The following SLC4A4 variants were observed in gnomAD, a reference collection of about 807,000 sequenced individuals.
SLC4A4 encodes solute carrier family 4 member 4, also known as electrogenic sodium bicarbonate cotransporter 1.
A neutral mutation model predicts 111.5 loss-of-function variants in SLC4A4; 27 were observed. The observed-to-expected ratio is 0.24, with a 90% CI of 0.18 to 0.33. SLC4A4 has a LOEUF of 0.33. SLC4A4 is among the 10% of genes least tolerant of loss of function. The probability of loss-of-function intolerance (pLI) is 1.00; values close to 1 mark genes in which losing one functional copy is unlikely to be tolerated. For synonymous variants in SLC4A4, 443 were observed against 463.4 expected, an observed-to-expected ratio of 0.96 and a Z score of 0.57; for missense variants, 909 against 1,315.5, an observed-to-expected ratio of 0.69 and a Z score of 4.78.
intron 3 of SLC4A4, chr4:71,300,515 C>T (rs1462089002): frequency 2.4e-5 from 6 of 248,926 alleles, no homozygotes; most frequent in Non-Finnish European, 4.1e-5. Flanking sequence ...AGGCCTGGGC[C>T]GGGGCCACTA....
chr4:71,075,443 T>C (rs1054492697), intron 1 of SLC4A4, among the ~76,000 whole-genome samples: 2 of 152,188 alleles, frequency 1.3e-5, no homozygotes, highest in African/African-American at 4.8e-5. Flanking sequence ...CCATGCTCTG[T>C]AAGGTACTTC....
chr4:71,426,706 C>G (rs1004368922), intron 7 of SLC4A4, among the ~76,000 whole-genome samples: 2 of 151,948 alleles, frequency 1.3e-5, no homozygotes. Flanking sequence ...TAATTTTAAC[C>G]TAAGAAAAAT....
At chr4:71,469,076 G>T (rs1031253211) in intron 13 of SLC4A4, among the ~76,000 whole-genome samples, 10 of 151,880 alleles carry the variant, frequency 6.6e-5, no homozygotes, top group African/African-American at 2.4e-4. Context: ...GAAGAAAATA[G>T]CTCACAACTT....
chr4:71,102,081 C>A (rs1742757376), intron 2 of SLC4A4, among the ~76,000 whole-genome samples: 1 of 151,910 alleles, frequency 6.6e-6, no homozygotes, highest in Non-Finnish European at 1.5e-5. Context: ...CTTAAAGGAG[C>A]TGATGGAGCT....
At chr4:71,397,876 C>G (rs990381358) in intron 7 of SLC4A4, among the ~76,000 whole-genome samples, 2 of 152,136 alleles carry the variant, frequency 1.3e-5, no homozygotes, top group African/African-American at 4.8e-5. Flanking sequence ...ATCACTTGGG[C>G]AATTTAAATC....
At chr4:71,330,916 C>T (rs1408942642) in intron 3 of SLC4A4, among the ~76,000 whole-genome samples, 13 of 152,204 alleles carry the variant, frequency 8.5e-5, no homozygotes, top group East Asian at 3.9e-4. Flanking sequence ...AAAAAGTGGG[C>T]GAAGGATCTG....
chr4:71,283,829 T>C (rs1381936307), intron 3 of SLC4A4, among the ~76,000 whole-genome samples: 1 of 152,208 alleles, frequency 6.6e-6, no homozygotes, highest in Non-Finnish European at 1.5e-5. Context: ...CCCAGGCTGG[T>C]CCATGGTGTC....
At chr4:71,401,786 TA>T in intron 7 of SLC4A4, among the ~76,000 whole-genome samples, 1 of 152,338 alleles carries the variant, frequency 6.6e-6, no homozygotes, top group East Asian at 1.9e-4. Context: ...GGTTTATTAA[TA>T]ATGCTATAAC....
chr4:71,394,386 C>T (rs1449201160), intron 6 of SLC4A4, among the ~76,000 whole-genome samples: 1 of 151,718 alleles, frequency 6.6e-6, no homozygotes, highest in African/African-American at 2.4e-5. Context: ...AATGGCCCAA[C>T]AAACATGAAA....
chr4:71,144,888 T>G (rs1192540753), intron 2 of SLC4A4, among the ~76,000 whole-genome samples: 6 of 152,184 alleles, frequency 3.9e-5, no homozygotes, highest in Non-Finnish European at 7.3e-5. Context: ...TCATGTCATC[T>G]GCAAACAGGG....
At chr4:71,210,604 A>T (rs774245953) in intron 1 of SLC4A4, among the ~76,000 whole-genome samples, 1 of 152,146 alleles carries the variant, frequency 6.6e-6, no homozygotes, top group African/African-American at 2.4e-5. Flanking sequence ...CCCCACACTT[A>T]CCCCAAGGAA....
chr4:71,227,913 G>A (rs1449888847), intron 1 of SLC4A4, among the ~76,000 whole-genome samples: 2 of 152,180 alleles, frequency 1.3e-5, no homozygotes, highest in Non-Finnish European at 2.9e-5. Context: ...AAAGTATTTG[G>A]TTTCTGACAG....
chr4:71,520,327 T>G (rs745971452), intron 16 of SLC4A4, among the ~76,000 whole-genome samples: 1 of 148,276 alleles, frequency 6.7e-6, no homozygotes, highest in Non-Finnish European at 1.5e-5. Flanking sequence ...GACTTTAAAC[T>G]ACTTTAAAAC....
At chr4:71,316,895 A>AT (rs1330789149) in intron 3 of SLC4A4, among the ~76,000 whole-genome samples, 1 of 151,940 alleles carries the variant, frequency 6.6e-6, no homozygotes, top group African/African-American at 2.4e-5. Flanking sequence ...CATTCTATGA[A>AT]TTTTTTTAAA....
intron 1 of SLC4A4, among the ~76,000 whole-genome samples, chr4:71,195,230 GTTTTTTTT>G (rs66527038): frequency 1.1e-5 from 1 of 93,174 alleles, no homozygotes; most frequent in African/African-American, 4.0e-5. Context: ...CTGTATTTGA[GTTTTTTTT>G]TTTTTTTTTT....
chr4:71,305,295 C>CGTAAT (rs1306318429), intron 3 of SLC4A4, among the ~76,000 whole-genome samples: 1 of 152,106 alleles, frequency 6.6e-6, no homozygotes, highest in African/African-American at 2.4e-5. Context: ...GCAGTGTAAC[C>CGTAAT]TTTGGTGATT....
At position 71,511,738 on chromosome 4, in the gene SLC4A4, T is replaced by C. The variant is rs374587519; in HGVS notation, c.2166+14046T>C. ...TTTGATCCTTCTGTCTGTATCATTA[T>C]ACCTATAACCAAATTTATTCTCTGC... On this transcript the variant is annotated intron_variant, in intron 16 of 25. Coordinates refer to ENST00000264485, the MANE Select transcript of SLC4A4 (RefSeq NM_001098484.3). Among the ~76,000 whole-genome samples the C allele has an allele frequency of 3.9e-5, 6 of 152,134 alleles. No individual in the cohort carries two copies. The East Asian group carries it at 1.2e-3, about 29-fold the overall frequency.
chr4:71,162,667 A>G (rs1436092760), intron 2 of SLC4A4, among the ~76,000 whole-genome samples: 1 of 152,156 alleles, frequency 6.6e-6, no homozygotes, highest in East Asian at 1.9e-4. Context: ...AGAACAATAT[A>G]TTATCACTGT....
At chr4:71,078,405 A>G (rs1741903929) in intron 1 of SLC4A4, among the ~76,000 whole-genome samples, 1 of 152,168 alleles carries the variant, frequency 6.6e-6, no homozygotes, top group Non-Finnish European at 1.5e-5. Context: ...TTAGAAGTCT[A>G]TGCAAGGTGT....
Sources: allele counts gnomAD v4.1 joint callset (sites outside exome capture counted in the v4.1 genomes callset), GRCh38; gene constraint gnomAD v4.1.1; transcripts MANE v1.5; gene names NCBI Gene and HGNC (gene_info 2026-07-23, HGNC 2026-07-21).